UBE2R2: variants seen among roughly 807,000 people sequenced by gnomAD.
UBE2R2 encodes the protein ubiquitin conjugating enzyme E2 R2.
UBE2R2 carries 1 observed loss-of-function variant against 27.8 expected under a neutral mutation model. The observed-to-expected ratio is 0.04, with a 90% CI of 0.01 to 0.17. The LOEUF is 0.17. Among genes scored for constraint, UBE2R2 ranks in the 10% least tolerant of loss-of-function variants. The probability of loss-of-function intolerance (pLI) is 1.00; values close to 1 mark genes in which losing one functional copy is unlikely to be tolerated. For missense variants in UBE2R2, 100 were observed against 291.0 expected (o/e 0.34, Z 4.78); for synonymous variants, 106 against 113.3 (o/e 0.94, Z 0.41).
At chr9:33,872,814 G>A (rs185363180) in intron 1 of UBE2R2, among the ~76,000 whole-genome samples, 15 of 151,752 alleles carry the variant, frequency 9.9e-5, no homozygotes, top group African/African-American at 2.9e-4. Flanking sequence ...TTTGGTGTGT[G>A]TATGAATTTG....
chr9:33,867,033 C>T lies in UBE2R2; in HGVS notation c.178-19848C>T, dbSNP rs372101550. ...TTGTGTCCTATTTTAAAACTTTTGT[C>T]CCCTCCAATGTCCTAAATATTCCTG... On this transcript the variant is annotated intron_variant, in intron 1 of 4. Coordinates refer to ENST00000263228, the MANE Select transcript of UBE2R2 (RefSeq NM_017811.4). Among the ~76,000 whole-genome samples, 4 of 151,934 alleles carry T rather than the reference C, an allele frequency of 2.6e-5. No individual in the cohort carries two copies. In the South Asian group the frequency reaches 6.2e-4, roughly 24 times the overall value.
At chr9:33,897,640 C>T (rs1318704236) in intron 2 of UBE2R2, among the ~76,000 whole-genome samples, 1 of 151,838 alleles carries the variant, frequency 6.6e-6, no homozygotes, top group Non-Finnish European at 1.5e-5. Context: ...TTCTACATTT[C>T]CCATAGGTTG....
rs1825802140 is a variant in UBE2R2, at chr9:33,817,213, T to TCCGCCGTCGCCCCTCCCCCCGCGCAG, written c.-542_-517dup. Among the ~76,000 whole-genome samples, 1 of 129,550 alleles carries TCCGCCGTCGCCCCTCCCCCCGCGCAG rather than the reference T, an allele frequency of 7.7e-6. No individual in the cohort carries two copies. The highest frequency in any genetic ancestry group is 1.6e-5 in the Non-Finnish European group (1 of 63,046). The allele number at this position is 129,550 out of a possible 152,430, so 85.0% of individuals were successfully genotyped here. ...CGAGGCGCTCTCGCTCTCCTCCTCC[T>TCCGCCGTCGCCCCTCCCCCCGCGCAG]CCGCCGTCGCCCCTCCCCCCGCGCA... is the stretch of plus-strand genomic sequence containing the variant. On this transcript the variant is annotated 5_prime_UTR_variant, in exon 1 of 5. Coordinates refer to ENST00000263228, the MANE Select transcript of UBE2R2 (RefSeq NM_017811.4).
chr9:33,835,753 C>T (rs554939681), intron 1 of UBE2R2, among the ~76,000 whole-genome samples: 10 of 150,806 alleles, frequency 6.6e-5, no homozygotes, highest in Middle Eastern at 3.5e-3. Context: ...CCTGGTGGCA[C>T]GCACCTGTAG....
chr9:33,856,888 CTTTTTTTTTTTTT>C (rs140169417), intron 1 of UBE2R2, among the ~76,000 whole-genome samples: 1 of 82,324 alleles, frequency 1.2e-5, no homozygotes, highest in African/African-American at 4.5e-5. Context: ...CTTCCTTTCA[CTTTTTTTTTTTTT>C]TTTTTTTTTT....
chr9:33,856,133 C>T (rs1821095919), intron 1 of UBE2R2, among the ~76,000 whole-genome samples: 1 of 152,146 alleles, frequency 6.6e-6, no homozygotes, highest in African/African-American at 2.4e-5. Context: ...AAGCAAGGGA[C>T]AGGGAATGAT....
intron 3 of UBE2R2, among the ~76,000 whole-genome samples, chr9:33,909,344 C>G (rs1469293355): frequency 2.0e-5 from 3 of 152,002 alleles, no homozygotes; most frequent in African/African-American, 7.3e-5. Flanking sequence ...AAAATTTGGC[C>G]AACTGTGGTG....
chr9:33,891,047 G>GTTTTTTTGTTTTTGT (rs1554676112), intron 2 of UBE2R2, among the ~76,000 whole-genome samples: 11 of 126,374 alleles, frequency 8.7e-5, no homozygotes, highest in Non-Finnish European at 8.3e-5. Flanking sequence ...TTGTTGTTGT[G>GTTTTTTTGTTTTTGT]TTTTTTTGTT....
At chr9:33,891,047 G>GTTTTTTTGTGTTTTT (rs1554676110) in intron 2 of UBE2R2, among the ~76,000 whole-genome samples, 2 of 126,412 alleles carry the variant, frequency 1.6e-5, no homozygotes, top group East Asian at 5.4e-4. Flanking sequence ...TTGTTGTTGT[G>GTTTTTTTGTGTTTTT]TTTTTTTGTT....
At position 33,845,069 on chromosome 9, in the gene UBE2R2, T is replaced by C. The variant is rs531966351; in HGVS notation, c.177+27135T>C. Reference sequence around the variant, plus strand: ...TAGGTGTGAGCCACCAAGCCCTGCCTTCATTGCCTTGGTTTTTAATCAACT... The same window carrying C: ...TAGGTGTGAGCCACCAAGCCCTGCCCTCATTGCCTTGGTTTTTAATCAACT... On this transcript the variant is annotated intron_variant, in intron 1 of 4. Transcript: ENST00000263228. Among the ~76,000 whole-genome samples, 3 of 152,264 alleles carry C rather than the reference T, an allele frequency of 2.0e-5. No individual in the cohort carries two copies. In the South Asian group the frequency reaches 6.2e-4, roughly 32 times the overall value.
chr9:33,833,768 A>C (rs950875580), intron 1 of UBE2R2, among the ~76,000 whole-genome samples: 1 of 152,158 alleles, frequency 6.6e-6, no homozygotes, highest in African/African-American at 2.4e-5. Flanking sequence ...CCACACTGAA[A>C]CTTTGAAGCT....
At chr9:33,848,041 C>T (rs1820884781) in intron 1 of UBE2R2, among the ~76,000 whole-genome samples, 1 of 152,048 alleles carries the variant, frequency 6.6e-6, no homozygotes, top group Non-Finnish European at 1.5e-5. Context: ...ATGCAGGAGC[C>T]ACTGCGCCTG....
At chr9:33,868,853 C>T (rs1168266443) in intron 1 of UBE2R2, among the ~76,000 whole-genome samples, 1 of 152,212 alleles carries the variant, frequency 6.6e-6, no homozygotes, top group Non-Finnish European at 1.5e-5. Context: ...CTACATTTGC[C>T]ATCAGCTGAG....
rs763494313 is a variant in UBE2R2, at chr9:33,859,791, TGTGTGTGTGAGAGAGAGA to T, written c.178-27088_178-27071del. Among the ~76,000 whole-genome samples, 128 of 109,918 alleles carry T rather than the reference TGTGTGTGTGAGAGAGAGA, an allele frequency of 1.2e-3. 1 individual carries two copies. The highest frequency in any genetic ancestry group is 3.2e-3 in the African/African-American group (98 of 30,596). 72.1% of individuals were successfully genotyped at this position (109,918 alleles called of 152,430 possible). ...GTGTGTGTGTGTGTGTGTGTGTGTGTGTGTGTGTGAGAGAGAGAGAGAGAGAGAGAGACAGGATCTCTC... is the reference window on the plus strand; with the variant it reads ...GTGTGTGTGTGTGTGTGTGTGTGTGTGAGAGAGAGAGAGACAGGATCTCTC... On this transcript the variant is annotated intron_variant, in intron 1 of 4. Coordinates refer to ENST00000263228, the MANE Select transcript of UBE2R2 (RefSeq NM_017811.4).
At chr9:33,894,612 G>C (rs536849562) in intron 2 of UBE2R2, among the ~76,000 whole-genome samples, 1 of 151,988 alleles carries the variant, frequency 6.6e-6, no homozygotes, top group Non-Finnish European at 1.5e-5. Flanking sequence ...AAAATTTTGG[G>C]GGGGGCCACA....
chr9:33,859,555 T>G (rs1258483518), intron 1 of UBE2R2, among the ~76,000 whole-genome samples: 1 of 152,174 alleles, frequency 6.6e-6, no homozygotes, highest in Non-Finnish European at 1.5e-5. Flanking sequence ...TACATCTTTA[T>G]TTTGGAAAAC....
chr9:33,865,184 G>GTCTC lies in UBE2R2; in HGVS notation c.178-21689_178-21686dup, dbSNP rs756129346. Among the ~76,000 whole-genome samples, 357 of 149,170 alleles carry GTCTC rather than the reference G, an allele frequency of 2.4e-3. 2 individuals are homozygous for GTCTC. Among genetic ancestry groups the GTCTC allele is most frequent in the South Asian group, 4.7e-3 (22 of 4,718 alleles). ...TTACTTCCTTTCTGTCTGTCTCTCT[G>GTCTC]TCTCTCTCTCTATCTATCTATCTAT... is the stretch of plus-strand genomic sequence containing the variant. On this transcript the variant is annotated intron_variant, in intron 1 of 4. Coordinates refer to ENST00000263228, the MANE Select transcript of UBE2R2 (RefSeq NM_017811.4).
At position 33,859,785 on chromosome 9, in the gene UBE2R2, TGTGTGTGTGTGTGTGA is replaced by T. The variant is rs1229234396; in HGVS notation, c.178-27094_178-27079del. On this transcript the variant is annotated intron_variant, in intron 1 of 4. Coordinates refer to ENST00000263228, the MANE Select transcript of UBE2R2 (RefSeq NM_017811.4). ...TTGTGTGTGTGTGTGTGTGTGTGTG[TGTGTGTGTGTGTGTGA>T]GAGAGAGAGAGAGAGAGAGAGACAG... 8.6e-4 allele frequency among the ~76,000 whole-genome samples: 92 copies of T among 107,566 alleles called. 1 individual carries two copies. Among genetic ancestry groups the T allele is most frequent in the Non-Finnish European group, 1.1e-3 (52 of 47,948 alleles). The allele number at this position is 107,566 out of a possible 152,430, so 70.6% of individuals were successfully genotyped here. A position where few individuals can be genotyped will look rare whatever the true frequency, so the allele number is the denominator to read the frequency against.
chr9:33,860,204 C>T (rs1466135324), intron 1 of UBE2R2, among the ~76,000 whole-genome samples: 1 of 151,944 alleles, frequency 6.6e-6, no homozygotes, highest in Admixed American at 6.6e-5. Flanking sequence ...ACCTTCCTGA[C>T]AGGCAAAATA....
Sources: allele counts gnomAD v4.1 joint callset (sites outside exome capture counted in the v4.1 genomes callset), GRCh38; gene constraint gnomAD v4.1.1; transcripts MANE v1.5; gene names NCBI Gene and HGNC (gene_info 2026-07-23, HGNC 2026-07-21).